MAOA: variants seen among roughly 807,000 people sequenced by gnomAD.
MAOA encodes the protein monoamine oxidase A.
In MAOA, 6 loss-of-function variants were observed where a neutral mutation model predicts 42.0. The ratio of observed to expected loss-of-function variants is 0.14; its 90% CI spans 0.08 to 0.28. The LOEUF (loss-of-function observed/expected upper bound fraction) is 0.28. MAOA is among the 10% of genes least tolerant of loss of function. MAOA has a pLI of 1.00. For synonymous variants in MAOA, 140 were observed against 154.0 expected (o/e 0.91, Z 0.67); for missense variants, 262 against 422.3 (o/e 0.62, Z 3.33).
intron 1 of MAOA, among the ~76,000 whole-genome samples, chrX:43,670,831 C>T (rs1601926520): frequency 9.2e-6 from 1 of 109,207 alleles, no homozygotes. Flanking sequence ...TTTCTTAATC[C>T]AGTCTATCAT....
At chrX:43,656,290 C>G (rs2033178695), upstream of MAOA, 2 of 1,122,689 alleles carry the variant, frequency 1.8e-6, no homozygotes. Context: ...CCTTCCCACC[C>G]TTTGCCGTCC....
At chrX:43,708,454 A>G (rs1450566210) in intron 3 of MAOA, among the ~76,000 whole-genome samples, 1 of 110,708 alleles carries the variant, frequency 9.0e-6, no homozygotes, top group Non-Finnish European at 1.9e-5. Context: ...CAGCCAAAAG[A>G]CATCTTCCAG....
chrX:43,718,396 G>A (rs1295583230), intron 5 of MAOA, among the ~76,000 whole-genome samples: 1 of 90,291 alleles, frequency 1.1e-5, no homozygotes, highest in African/African-American at 4.3e-5. Context: ...AGTGTGGGGG[G>A]ATGATATCAT....
chrX:43,684,710 A>G (rs1328978695), intron 2 of MAOA, among the ~76,000 whole-genome samples: 1 of 111,345 alleles, frequency 9.0e-6, no homozygotes, highest in Non-Finnish European at 1.9e-5. Context: ...GGAAGCATCT[A>G]TCTAACTAGA....
chrX:43,678,349 T>C (rs1450165100), intron 1 of MAOA, among the ~76,000 whole-genome samples: 2 of 112,094 alleles, frequency 1.8e-5, no homozygotes, highest in Admixed American at 1.9e-4. Context: ...TGTTTAGTAA[T>C]TTATATTACT....
intron 2 of MAOA, among the ~76,000 whole-genome samples, chrX:43,684,581 G>T (rs1180763767): frequency 3.0e-5 from 3 of 98,733 alleles, no homozygotes; most frequent in Admixed American, 2.2e-4. Context: ...AAAAACCCTC[G>T]CATTTGACAG....
At chrX:43,684,726 C>T (rs1302659363) in intron 2 of MAOA, among the ~76,000 whole-genome samples, 1 of 111,155 alleles carries the variant, frequency 9.0e-6, no homozygotes. Flanking sequence ...CTAGAAGATG[C>T]TTCAGTTAGA....
intron 1 of MAOA, among the ~76,000 whole-genome samples, chrX:43,678,603 C>A (rs2033419022): frequency 9.0e-6 from 1 of 111,652 alleles, no homozygotes; most frequent in Non-Finnish European, 1.9e-5. Context: ...ATTAAGATAT[C>A]ATTTTTTTTC....
chrX:43,704,485 T>C (rs1275733781), intron 3 of MAOA, among the ~76,000 whole-genome samples: 1 of 110,806 alleles, frequency 9.0e-6, no homozygotes, highest in South Asian at 3.8e-4. Flanking sequence ...GAGGAGAACT[T>C]CCTCAACCTA....
At position 43,739,069 on chromosome X, in the gene MAOA, A is replaced by T. The variant is rs1205410818; in HGVS notation, c.1107-1612A>T. 3.6e-5 allele frequency among the ~76,000 whole-genome samples: 4 copies of T among 111,363 alleles called. No individual in the cohort carries two copies. In the Admixed American group the frequency reaches 3.8e-4, roughly 11 times the overall value. On this transcript the variant is annotated intron_variant, in intron 10 of 14. Coordinates refer to ENST00000338702, the MANE Select transcript of MAOA (RefSeq NM_000240.4). ...GATTACTCAGAAGGGTAATAGCCTT[A>T]CCCTGCTATTAATTAGCTGAGCAAA...
intron 3 of MAOA, among the ~76,000 whole-genome samples, chrX:43,706,322 A>G (rs1443859806): frequency 8.9e-6 from 1 of 112,253 alleles, no homozygotes; most frequent in Non-Finnish European, 1.9e-5. Flanking sequence ...AGTTAATGGC[A>G]TCTGTGAAAG....
chrX:43,693,753 G>A (rs1315155873), intron 3 of MAOA, among the ~76,000 whole-genome samples: 1 of 106,904 alleles, frequency 9.4e-6, no homozygotes, highest in African/African-American at 3.5e-5. Context: ...ACAGGGGTGG[G>A]GGTGGCAGGT....
intron 3 of MAOA, among the ~76,000 whole-genome samples, chrX:43,699,707 A>C (rs1380551004): frequency 9.1e-6 from 1 of 110,064 alleles, no homozygotes; most frequent in Non-Finnish European, 1.9e-5. Context: ...CCAGGTTTCT[A>C]TGCCAACGAC....
chrX:43,664,486 A>G (rs771671684), intron 1 of MAOA, among the ~76,000 whole-genome samples: 1 of 111,448 alleles, frequency 9.0e-6, no homozygotes, highest in Non-Finnish European at 1.9e-5. Context: ...AGCACAGAGG[A>G]GGGAGGAGTT....
intron 12 of MAOA, 37 bp from the exon 13 acceptor site, chrX:43,743,757 C>T (rs1352892721): frequency 8.6e-7 from 1 of 1,158,942 alleles, no homozygotes; most frequent in Non-Finnish European, 1.2e-6. Context: ...GCCCACCTTC[C>T]CAAGTAACTC....
At chrX:43,655,130 T>TACCGGC (rs2033165536), upstream of MAOA, 1 of 111,864 alleles carries the variant, frequency 8.9e-6, no homozygotes. Context: ...CCCGCACCAG[T>TACCGGC]ACCGGCACCG....
intron 2 of MAOA, among the ~76,000 whole-genome samples, chrX:43,688,140 C>G (rs190138190): frequency 8.9e-6 from 1 of 112,809 alleles, no homozygotes; most frequent in Non-Finnish European, 1.9e-5. Context: ...TTTACGTGAC[C>G]TGCTCTGCCA....
intron 1 of MAOA, among the ~76,000 whole-genome samples, chrX:43,657,114 G>A (rs1032189793): frequency 2.0e-5 from 2 of 99,308 alleles, no homozygotes; most frequent in Non-Finnish European, 4.0e-5. Flanking sequence ...GTGTGTGTGT[G>A]TGTGTGTATG....
intron 1 of MAOA, among the ~76,000 whole-genome samples, chrX:43,671,164 GT>G (rs2033330249): frequency 1.0e-5 from 1 of 98,132 alleles, no homozygotes; most frequent in South Asian, 5.2e-4. Flanking sequence ...TCTCATTGTG[GT>G]TTTGATTTGC....
Sources: gnomAD v4.1 joint callset for allele counts (sites outside exome capture counted in the v4.1 genomes callset) on GRCh38, gnomAD v4.1.1 for gene constraint, MANE v1.5 for transcripts, NCBI Gene and HGNC (gene_info 2026-07-23, HGNC 2026-07-21) for gene names.